GPCPD1: variants seen among roughly 807,000 people sequenced by gnomAD.
GPCPD1 encodes glycerophosphocholine phosphodiesterase 1.
In GPCPD1, 29 loss-of-function variants were observed where a neutral mutation model predicts 89.2. The ratio of observed to expected loss-of-function variants is 0.33; its 90% CI spans 0.24 to 0.44. The LOEUF (loss-of-function observed/expected upper bound fraction) is 0.44. GPCPD1 is among the 20% of genes least tolerant of loss of function. The pLI, the probability that GPCPD1 is intolerant of heterozygous loss-of-function variation, is 1.00. For synonymous variants in GPCPD1, 258 were observed against 266.3 expected (o/e 0.97, Z 0.30); for missense variants, 594 against 808.9 (o/e 0.73, Z 3.22).
chr20:5,600,621 C>G (rs1980062851), intron 2 of GPCPD1, among the ~76,000 whole-genome samples: 1 of 152,200 alleles, frequency 6.6e-6, no homozygotes, highest in Admixed American at 6.5e-5. Flanking sequence ...ATCACTAGGT[C>G]AGGAGTTCAA....
intron 19 of GPCPD1, among the ~76,000 whole-genome samples, chr20:5,556,152 T>C (rs1985754771): frequency 6.6e-6 from 1 of 152,220 alleles, no homozygotes; most frequent in Non-Finnish European, 1.5e-5. Context: ...TTAAGATATA[T>C]ACTGTGTTTT....
chr20:5,565,118 C>T (rs768614730), intron 14 of GPCPD1, 40 bp from the exon 15 acceptor site: 4 of 947,296 alleles, frequency 4.2e-6, no homozygotes, highest in South Asian at 3.9e-5. Flanking sequence ...AATAAAATGC[C>T]ACTATATCAC....
At chr20:5,590,901 G>C (rs2122743547) in intron 4 of GPCPD1, among the ~76,000 whole-genome samples, 1 of 152,036 alleles carries the variant, frequency 6.6e-6, no homozygotes, top group African/African-American at 2.4e-5. Flanking sequence ...GAAAAATAAA[G>C]ATGTATTTCT....
rs533692443 is a variant in GPCPD1, at chr20:5,577,212, G to A, written c.705+1168C>T. 7.8e-4 allele frequency among the ~76,000 whole-genome samples: 118 copies of A among 151,836 alleles called. 1 individual carries two copies. Among genetic ancestry groups the A allele is most frequent in the African/African-American group, 2.8e-3 (114 of 41,434 alleles). ...CTCGAGTAGCTGGGATTACAGTCAC[G>A]CGCCAACACGCCTGGCTAATTTTTG... On this transcript the variant is annotated intron_variant, in intron 8 of 19. Transcript: ENST00000379019.
chr20:5,590,542 C>CAAAAAAAAAAAAAATA (rs71197771), intron 4 of GPCPD1, among the ~76,000 whole-genome samples: 18 of 78,984 alleles, frequency 2.3e-4, no homozygotes, highest in African/African-American at 1.1e-3. Flanking sequence ...GACTCTGTCT[C>CAAAAAAAAAAAAAATA]AAAAAAAAAA....
chr20:5,580,451 C>A (rs1255209440), intron 6 of GPCPD1, among the ~76,000 whole-genome samples: 1 of 152,006 alleles, frequency 6.6e-6, no homozygotes, highest in African/African-American at 2.4e-5. Context: ...GCCGGGCGGG[C>A]ATGGTGGCTC....
chr20:5,603,185 T>TG (rs1449960183), intron 2 of GPCPD1, among the ~76,000 whole-genome samples: 1 of 151,304 alleles, frequency 6.6e-6, no homozygotes, highest in Admixed American at 6.6e-5. Flanking sequence ...CCCAGCTACT[T>TG]GGGAGGCTGA....
At chr20:5,594,353 G>A (rs189155322) in intron 3 of GPCPD1, among the ~76,000 whole-genome samples, 2 of 151,100 alleles carry the variant, frequency 1.3e-5, no homozygotes, top group African/African-American at 4.9e-5. Flanking sequence ...GCAGTGGCGC[G>A]ATCTCAGCTC....
chr20:5,593,550 A>C, intron 3 of GPCPD1, 139 bp from the exon 4 acceptor site: 1 of 574,072 alleles, frequency 1.7e-6, no homozygotes, highest in Non-Finnish European at 3.2e-6. Flanking sequence ...TTACAGGCCT[A>C]CTCTGTAGCA....
intron 6 of GPCPD1, among the ~76,000 whole-genome samples, chr20:5,581,481 T>A (rs1285346102): frequency 2.0e-5 from 3 of 152,206 alleles, no homozygotes; most frequent in Non-Finnish European, 4.4e-5. Context: ...AGCGTCACTT[T>A]AGATATTCAG....
At chr20:5,605,393 G>C (rs1160870011) in intron 1 of GPCPD1, among the ~76,000 whole-genome samples, 1 of 152,118 alleles carries the variant, frequency 6.6e-6, no homozygotes. Flanking sequence ...AACAACCAAA[G>C]TATCACCCAC....
At chr20:5,604,779 A>ACACACACG (rs1555811057) in intron 1 of GPCPD1, among the ~76,000 whole-genome samples, 1 of 148,684 alleles carries the variant, frequency 6.7e-6, no homozygotes, top group African/African-American at 2.5e-5. Context: ...ATGTCTACAC[A>ACACACACG]CACACACACA....
rs1191772923 is a variant in GPCPD1, at chr20:5,580,053, G to A, written c.428C>T (p.Pro143Leu). The A allele has an allele frequency of 1.3e-6, 2 of 1,521,118 alleles. No individual in the cohort carries two copies. The highest frequency in any genetic ancestry group is 1.1e-5 in the South Asian group (1 of 88,678). The allele number at this position is 1,521,118 out of a possible 1,614,324, so 94.2% of individuals were successfully genotyped here. Reference protein sequence around the residue: ...IRLRLHYSEKPPVSITKKKLK... With the variant: ...IRLRLHYSEKLPVSITKKKLK... Reference sequence around the variant, plus strand: ...TTTTTTCTTGGTTATTGACACAGGAGGTTTTTCAGAATAATGCAAACGTAA... The same window carrying A: ...TTTTTTCTTGGTTATTGACACAGGAAGTTTTTCAGAATAATGCAAACGTAA... Residue 143 changes from proline (P) to leucine (L), a missense_variant, in exon 7 of 20, where the codon CCT becomes CTT. Coordinates refer to ENST00000379019, the MANE Select transcript of GPCPD1 (RefSeq NM_019593.5).
intron 9 of GPCPD1, 73 bp from the exon 10 acceptor site, chr20:5,575,618 T>C: frequency 1.9e-6 from 2 of 1,036,184 alleles, no homozygotes; most frequent in Middle Eastern, 2.1e-4. Context: ...ACATTATATT[T>C]AAATACCACT....
In GPCPD1 at chr20:5,593,375, T is replaced by A. The variant is rs1278099125; in HGVS notation, c.183A>T (p.Gly61=). The A allele has an allele frequency of 6.3e-7, 1 of 1,599,180 alleles. No individual in the cohort carries two copies. The highest frequency in any genetic ancestry group is 2.2e-5 in the East Asian group (1 of 44,744). The change falls in exon 4 of 20, where the codon GGA becomes GGT. Residue 61 remains glycine, a synonymous_variant. Transcript: ENST00000379019. ...LWKATIVLSR[G]VSVQYRYFKG... is the part of the protein sequence containing the mutation. ...TGAAGTAGCGATACTGAACTGATACTCCTCTACTGAGTACAATGGTTGCTT... is the reference window on the plus strand; with the variant it reads ...TGAAGTAGCGATACTGAACTGATACACCTCTACTGAGTACAATGGTTGCTT...
chr20:5,558,587 C>T (rs1568645036), intron 18 of GPCPD1, 97 bp downstream of exon 18: 2 of 698,526 alleles, frequency 2.9e-6, no homozygotes, highest in South Asian at 2.0e-5. Context: ...TTAGTCAAAA[C>T]GTTAACATTA....
At chr20:5,552,741 C>T (rs1383566835) in intron 19 of GPCPD1, among the ~76,000 whole-genome samples, 1 of 152,136 alleles carries the variant, frequency 6.6e-6, no homozygotes, top group Non-Finnish European at 1.5e-5. Context: ...GTTTAAAAGG[C>T]AGGTAGGTAG....
chr20:5,568,230 GTATA>G lies in GPCPD1; in HGVS notation c.1150-674_1150-671del, dbSNP rs3057280. ...ATCATCTGTCCAACAAATATACTTA[GTATA>G]TATATATATATACTTAGTATATATA... is the stretch of plus-strand genomic sequence containing the variant. On this transcript the variant is annotated intron_variant, in intron 12 of 19. Transcript: ENST00000379019. 2.1e-5 allele frequency among the ~76,000 whole-genome samples: 3 copies of G among 145,534 alleles called. No individual in the cohort carries two copies. In the South Asian group the frequency reaches 6.4e-4, roughly 31 times the overall value.
chr20:5,573,241 TG>T (rs1228824195), intron 11 of GPCPD1, among the ~76,000 whole-genome samples: 4 of 152,072 alleles, frequency 2.6e-5, no homozygotes, highest in Non-Finnish European at 4.4e-5. Flanking sequence ...CGGGCCACCA[TG>T]CCAGGTTAAT....
Sources: gnomAD v4.1 joint callset for allele counts (sites outside exome capture counted in the v4.1 genomes callset) on GRCh38, gnomAD v4.1.1 for gene constraint, MANE v1.5 for transcripts, NCBI Gene and HGNC (gene_info 2026-07-23, HGNC 2026-07-21) for gene names.